The following TOP2B variants were observed in gnomAD, a reference collection of about 807,000 sequenced individuals.
The protein encoded by TOP2B is DNA topoisomerase II beta.
Under a neutral mutation model 193.5 loss-of-function variants are expected in TOP2B, and 51 were observed. The observed-to-expected ratio is 0.26, with a 90% confidence interval of 0.21 to 0.33. TOP2B has a LOEUF of 0.33. TOP2B is among the 10% of genes least tolerant of loss of function. TOP2B has a pLI of 1.00. For synonymous variants in TOP2B, 634 were observed against 635.7 expected (o/e 1.00, Z 0.04); for missense variants, 1,378 against 1,909.3 (o/e 0.72, Z 5.19).
chr3:25,657,582 TAA>T lies in TOP2B; in HGVS notation c.69+6645_69+6646del, dbSNP rs555120982. On this transcript the variant is annotated intron_variant, in intron 1 of 35. Coordinates refer to ENST00000264331, the MANE Select transcript of TOP2B (RefSeq NM_001330700.2). ...AAAAGCACCTCAACTTTACAGATCATAAAAGAGAGTGATGTATATCTGACACA... is the reference window on the plus strand; with the variant it reads ...AAAAGCACCTCAACTTTACAGATCATAAGAGAGTGATGTATATCTGACACA... Among the ~76,000 whole-genome samples, 480 of 152,310 alleles carry T rather than the reference TAA, an allele frequency of 3.2e-3. 3 individuals carry two copies. Among genetic ancestry groups the T allele is most frequent in the Middle Eastern group, 0.02 (6 of 294 alleles).
intron 34 of TOP2B, among the ~76,000 whole-genome samples, chr3:25,599,960 T>A (rs1047691094): frequency 6.6e-6 from 1 of 152,216 alleles, no homozygotes; most frequent in African/African-American, 2.4e-5. Context: ...TGTAATCACA[T>A]GCTGTTTTAG....
chr3:25,622,702 G>A (rs954523699), intron 21 of TOP2B, among the ~76,000 whole-genome samples: 7 of 150,640 alleles, frequency 4.6e-5, no homozygotes, highest in Admixed American at 6.6e-5. Flanking sequence ...GTACAGTGGC[G>A]CAATCTCGGC....
chr3:25,648,288 CAAGTA>C (rs1170609044), intron 1 of TOP2B, among the ~76,000 whole-genome samples: 2 of 152,112 alleles, frequency 1.3e-5, no homozygotes, highest in Admixed American at 1.3e-4. Context: ...CGAGACGCCA[CAAGTA>C]AAGCAGACAA....
chr3:25,621,617 C>A, intron 21 of TOP2B, among the ~76,000 whole-genome samples: 1 of 152,038 alleles, frequency 6.6e-6, no homozygotes, highest in Non-Finnish European at 1.5e-5. Context: ...GCTCAGCCTC[C>A]CAAAGTGCTG....
chr3:25,625,257 G>T (rs942807684), intron 18 of TOP2B, among the ~76,000 whole-genome samples: 5 of 152,278 alleles, frequency 3.3e-5, no homozygotes, highest in African/African-American at 1.2e-4. Context: ...GAAGAATAAA[G>T]GCTTTAGAAT....
intron 10 of TOP2B, among the ~76,000 whole-genome samples, chr3:25,632,042 T>A (rs930178974): frequency 6.6e-6 from 1 of 152,048 alleles, no homozygotes; most frequent in South Asian, 2.1e-4. Context: ...TAAGAACATG[T>A]AGAAAATAGT....
intron 33 of TOP2B, 67 bp from the exon 34 acceptor site, chr3:25,601,292 A>G (rs908785632): frequency 1.3e-6 from 2 of 1,520,156 alleles, no homozygotes; most frequent in Non-Finnish European, 1.8e-6. Context: ...AGAGAGTCCT[A>G]TATAAATGGA....
chr3:25,602,417 A>AAAAAAAAAAAAAAAAAAG (rs1702123776), intron 33 of TOP2B, among the ~76,000 whole-genome samples: 1 of 69,828 alleles, frequency 1.4e-5, no homozygotes, highest in African/African-American at 7.8e-5. Context: ...AAAGAAAAAG[A>AAAAAAAAAAAAAAAAAAG]AAAAAAAAAA....
At position 25,612,540 on chromosome 3, in the gene TOP2B, C is replaced by T. The variant is rs1376988121; in HGVS notation, c.3761G>A (p.Ser1254Asn). ...PEITAMKADA[S>N]KKLLKKKKGD... is the part of the protein sequence containing the mutation. ...CTTCTTCTTCTTCAGCAACTTTTTG[C>T]TGGCATCTGCCTTCATAGCTGTAAT... Residue 1254 changes from serine to asparagine, a missense_variant, in exon 28 of 36, where the codon AGC becomes AAC. By Grantham distance (46) the Ser-to-Asn change is conservative (BLOSUM62 1). Transcript: ENST00000264331. 4 of 1,608,754 alleles carry T rather than the reference C, an allele frequency of 2.5e-6. No individual in the cohort carries two copies. Among genetic ancestry groups the T allele is most frequent in the Non-Finnish European group, 3.4e-6 (4 of 1,177,658 alleles).
intron 27 of TOP2B, 124 bp from the exon 28 acceptor site, chr3:25,612,833 A>T: frequency 4.5e-6 from 3 of 663,428 alleles, no homozygotes; most frequent in Non-Finnish European, 7.3e-6. Flanking sequence ...CTTTTAACTT[A>T]TCTAATTCAA....
At chr3:25,646,735 T>C (rs1224947702) in intron 1 of TOP2B, among the ~76,000 whole-genome samples, 1 of 152,218 alleles carries the variant, frequency 6.6e-6, no homozygotes. Context: ...GCAATTTCAA[T>C]TCCGCTTTAA....
chr3:25,622,125 G>A (rs986387832), intron 21 of TOP2B, among the ~76,000 whole-genome samples: 2 of 152,276 alleles, frequency 1.3e-5, no homozygotes, highest in African/African-American at 4.8e-5. Context: ...CTTGACAACT[G>A]TTTAACTTTT....
intron 30 of TOP2B, among the ~76,000 whole-genome samples, chr3:25,608,461 T>C (rs938821050): frequency 1.3e-5 from 2 of 152,180 alleles, no homozygotes; most frequent in African/African-American, 4.8e-5. Context: ...ATGCTACCTA[T>C]GTACACTAGG....
At chr3:25,620,398 T>C (rs1173825407) in intron 22 of TOP2B, among the ~76,000 whole-genome samples, 1 of 152,098 alleles carries the variant, frequency 6.6e-6, no homozygotes, top group Non-Finnish European at 1.5e-5. Context: ...ACTGACCATA[T>C]TTACAAGAAT....
intron 1 of TOP2B, among the ~76,000 whole-genome samples, chr3:25,648,138 A>C (rs1703463313): frequency 6.6e-6 from 1 of 152,236 alleles, no homozygotes; most frequent in Admixed American, 6.5e-5. Flanking sequence ...TTCTTGACTG[A>C]ATCTAAGTAC....
chr3:25,598,182 A>AATAATAAAAAACC lies in TOP2B; in HGVS notation c.*112_*124dup. On this transcript the variant is annotated 3_prime_UTR_variant, in exon 36 of 36. Coordinates refer to ENST00000264331, the MANE Select transcript of TOP2B (RefSeq NM_001330700.2). ...AACAAAATGTTAAAAGGCCTACCAC[A>AATAATAAAAAACC]ATAATAAAAAACCGTCAATTACATC... is the stretch of plus-strand genomic sequence containing the variant. The AATAATAAAAAACC allele has an allele frequency of 9.7e-7, 1 of 1,034,710 alleles. No individual in the cohort carries two copies. Among genetic ancestry groups the AATAATAAAAAACC allele is most frequent in the Non-Finnish European group, 1.4e-6 (1 of 722,490 alleles). The allele number at this position is 1,034,710 out of a possible 1,614,324, so 64.1% of individuals were successfully genotyped here. A position where few individuals can be genotyped will look rare whatever the true frequency, so the allele number is the denominator to read the frequency against.
chr3:25,600,470 T>G (rs1404232238), intron 34 of TOP2B, among the ~76,000 whole-genome samples: 1 of 152,210 alleles, frequency 6.6e-6, no homozygotes, highest in Non-Finnish European at 1.5e-5. Context: ...CATTTCCCTG[T>G]AGGTCTACAG....
rs760982587 is a variant in TOP2B, at chr3:25,615,224, G to A, written c.3572C>T (p.Ala1191Val). Residue 1191 changes from alanine to valine, a missense_variant, in exon 27 of 36, where the codon GCA (alanine) becomes GTA (valine). Physicochemically the swap from Ala to Val is moderately conservative, Grantham distance 64 (BLOSUM62 0). Coordinates refer to ENST00000264331, the MANE Select transcript of TOP2B (RefSeq NM_001330700.2). The part of the protein sequence containing the change: ...PSDLWKEDLA[A>V]FVEELDKVES... ...ACCTACATCCAGTTCTTCAACAAAT[G>A]CCGCTAAATCCTCTTTCCAAAGATC... is the stretch of plus-strand genomic sequence containing the variant. 1 of 1,612,020 alleles carries A rather than the reference G, an allele frequency of 6.2e-7. No homozygotes were observed. The highest frequency in any genetic ancestry group is 8.5e-7 in the Non-Finnish European group (1 of 1,178,854).
rs1428143770 is a variant in TOP2B at position 25,635,061 on chromosome 3, GGTTTCA to G, written c.852+869_852+874del. Among the ~76,000 whole-genome samples, 13 of 152,218 alleles carry G rather than the reference GGTTTCA, an allele frequency of 8.5e-5. No individual in the cohort carries two copies. In the East Asian group the frequency reaches 2.5e-3, roughly 29 times the overall value. ...TACCAAGCTTCCATTAACAACAGTG[GGTTTCA>G]GCTGGAAGAGCTGCAAGAGACAGAT... On this transcript the variant is annotated intron_variant, in intron 7 of 35. Coordinates refer to ENST00000264331, the MANE Select transcript of TOP2B (RefSeq NM_001330700.2).
Sources: gnomAD v4.1 joint callset for allele counts (sites outside exome capture counted in the v4.1 genomes callset) on GRCh38, gnomAD v4.1.1 for gene constraint, MANE v1.5 for transcripts, NCBI Gene and HGNC (gene_info 2026-07-23, HGNC 2026-07-21) for gene names.